The following MACROD2 variants were observed in gnomAD, a reference collection of about 807,000 sequenced individuals.
MACROD2 encodes mono-ADP ribosylhydrolase 2.
In MACROD2, 36 loss-of-function variants were observed where a neutral mutation model predicts 70.4. The ratio of observed to expected loss-of-function variants is 0.51; its 90% CI spans 0.39 to 0.68. The LOEUF (loss-of-function observed/expected upper bound fraction) is 0.68, where lower values mean the gene tolerates loss of function less well. Among genes scored for constraint, MACROD2 ranks in the 30% least tolerant of loss-of-function variants. The pLI, the probability that MACROD2 is intolerant of heterozygous loss-of-function variation, is 0.00. For missense variants in MACROD2, 496 were observed against 538.4 expected, an observed-to-expected ratio of 0.92 and a Z score of 0.78; for synonymous variants, 172 against 178.8, an observed-to-expected ratio of 0.96 and a Z score of 0.30.
chr20:15,276,227 C>T (rs1600183953), intron 6 of MACROD2, among the ~76,000 whole-genome samples: 2 of 151,976 alleles, frequency 1.3e-5, no homozygotes, highest in South Asian at 2.1e-4. Context: ...GGTGAAACCC[C>T]ATCTCTACTA....
At chr20:14,305,840 A>T (rs2082515883) in intron 3 of MACROD2, among the ~76,000 whole-genome samples, 1 of 151,662 alleles carries the variant, frequency 6.6e-6, no homozygotes, top group Admixed American at 6.6e-5. Context: ...ATTTTGTTAC[A>T]TATTTTTTTT....
chr20:14,325,069 A>T (rs1306240687), intron 3 of MACROD2: 1 of 152,286 alleles, frequency 6.6e-6, no homozygotes, highest in African/African-American at 2.4e-5. Context: ...TTATTTCATA[A>T]CCATTTTTTA....
intron 5 of MACROD2, among the ~76,000 whole-genome samples, chr20:14,847,091 G>A (rs376616075): frequency 3.3e-5 from 5 of 151,474 alleles, no homozygotes; most frequent in East Asian, 1.9e-4. Flanking sequence ...TTAGACAAAA[G>A]AAAAAAAAGT....
At chr20:15,570,458 T>C (rs1465665983) in intron 8 of MACROD2, among the ~76,000 whole-genome samples, 1 of 152,176 alleles carries the variant, frequency 6.6e-6, no homozygotes, top group Non-Finnish European at 1.5e-5. Context: ...AACTCGTATG[T>C]ACATCTTTTA....
chr20:14,200,146 A>C (rs1226491194), intron 3 of MACROD2, among the ~76,000 whole-genome samples: 1 of 152,214 alleles, frequency 6.6e-6, no homozygotes, highest in African/African-American at 2.4e-5. Flanking sequence ...TTAACGATAG[A>C]CTGGATAAAG....
intron 4 of MACROD2, among the ~76,000 whole-genome samples, chr20:14,503,361 G>A (rs1781189436): frequency 6.6e-6 from 1 of 152,144 alleles, no homozygotes; most frequent in Admixed American, 6.5e-5. Flanking sequence ...ATAGTCTGGA[G>A]CCCTCTGAGG....
chr20:14,907,165 C>T (rs1447626136), intron 5 of MACROD2, among the ~76,000 whole-genome samples: 1 of 152,200 alleles, frequency 6.6e-6, no homozygotes, highest in Non-Finnish European at 1.5e-5. Context: ...AATAACCTGA[C>T]AACCCAGAAG....
intron 5 of MACROD2, among the ~76,000 whole-genome samples, chr20:15,005,596 C>G (rs1253074125): frequency 6.6e-6 from 1 of 152,166 alleles, no homozygotes; most frequent in East Asian, 1.9e-4. Flanking sequence ...GTAATAGAAG[C>G]TCATCTCCTT....
chr20:16,049,915 G>A lies in MACROD2; in HGVS notation c.*39G>A, dbSNP rs201189067. On this transcript the variant is annotated 3_prime_UTR_variant, in exon 18 of 18. Transcript: ENST00000684519. ...CGCAAGGCCTCTCCTGGCTCTGGGG[G>A]AGCTCGGGAAGATAGCAGCACACGC... is the stretch of plus-strand genomic sequence containing the variant. The A allele has an allele frequency of 3.6e-6, 5 of 1,371,300 alleles. No homozygotes were observed. The South Asian group carries it at 4.7e-5, about 13-fold the overall frequency. The allele number at this position is 1,371,300 out of a possible 1,614,324, so 84.9% of individuals were successfully genotyped here. A position where few individuals can be genotyped will look rare whatever the true frequency, so the allele number is the denominator to read the frequency against.
At chr20:15,115,091 A>G (rs943143854) in intron 5 of MACROD2, among the ~76,000 whole-genome samples, 15 of 152,172 alleles carry the variant, frequency 9.9e-5, no homozygotes, top group African/African-American at 3.6e-4. Context: ...GATTCTTCAA[A>G]TGAATTCCTC....
At chr20:14,838,343 G>A (rs891766378) in intron 5 of MACROD2, among the ~76,000 whole-genome samples, 3 of 151,990 alleles carry the variant, frequency 2.0e-5, no homozygotes, top group Admixed American at 6.6e-5. Flanking sequence ...ATGAGAAAAC[G>A]TCATTTGTGA....
intron 8 of MACROD2, among the ~76,000 whole-genome samples, chr20:15,836,768 G>A (rs1288397258): frequency 6.6e-6 from 1 of 152,142 alleles, no homozygotes; most frequent in East Asian, 1.9e-4. Flanking sequence ...CATGAGCTGC[G>A]CAGTAAGAAT....
At chr20:15,838,104 T>C (rs1374845897) in intron 8 of MACROD2, among the ~76,000 whole-genome samples, 1 of 152,160 alleles carries the variant, frequency 6.6e-6, no homozygotes, top group Non-Finnish European at 1.5e-5. Flanking sequence ...CTCAGGTTAA[T>C]TTTCTTGTCA....
At chr20:14,717,217 C>G (rs917145478) in intron 5 of MACROD2, among the ~76,000 whole-genome samples, 1 of 151,992 alleles carries the variant, frequency 6.6e-6, no homozygotes, top group Non-Finnish European at 1.5e-5. Flanking sequence ...TTACACTATA[C>G]TATATTTTCT....
chr20:15,518,153 G>C (rs892891171), intron 8 of MACROD2, among the ~76,000 whole-genome samples: 4 of 152,264 alleles, frequency 2.6e-5, no homozygotes, highest in Non-Finnish European at 2.9e-5. Context: ...CCAGAATGTA[G>C]TGTCTTGACA....
At chr20:15,186,018 A>T (rs1601192830) in intron 5 of MACROD2, among the ~76,000 whole-genome samples, 1 of 152,176 alleles carries the variant, frequency 6.6e-6, no homozygotes, top group East Asian at 1.9e-4. Flanking sequence ...GGGTATGTGT[A>T]TGTTTTCACA....
chr20:14,467,548 C>T (rs558153848), intron 3 of MACROD2, among the ~76,000 whole-genome samples: 5 of 152,206 alleles, frequency 3.3e-5, no homozygotes, highest in Non-Finnish European at 5.9e-5. Flanking sequence ...CTGTCCTGCA[C>T]CCACTGTCTG....
intron 5 of MACROD2, among the ~76,000 whole-genome samples, chr20:14,771,901 G>T (rs1037290709): frequency 1.3e-5 from 2 of 151,884 alleles, no homozygotes; most frequent in African/African-American, 4.8e-5. Flanking sequence ...AACTCACTCT[G>T]TGTTTTCAAA....
At chr20:15,864,404 T>C (rs181372697) in intron 9 of MACROD2, among the ~76,000 whole-genome samples, 125 of 152,254 alleles carry the variant, frequency 8.2e-4, no homozygotes, top group Non-Finnish European at 9.4e-4. Flanking sequence ...CACATCATAA[T>C]TGATAAGATT....
Sources: gnomAD v4.1 joint callset for allele counts (sites outside exome capture counted in the v4.1 genomes callset) on GRCh38, gnomAD v4.1.1 for gene constraint, MANE v1.5 for transcripts, NCBI Gene and HGNC (gene_info 2026-07-23, HGNC 2026-07-21) for gene names.